PHACTR2: variants seen among roughly 807,000 people sequenced by gnomAD.
PHACTR2 encodes the protein chromosome 6 open reading frame 56.
In PHACTR2, 30 loss-of-function variants were observed where a neutral mutation model predicts 76.0. That is an observed-to-expected ratio of 0.39 (90% CI 0.30 to 0.54). PHACTR2 has a LOEUF of 0.54. Among genes scored for constraint, PHACTR2 ranks in the 20% least tolerant of loss-of-function variants. The probability of loss-of-function intolerance (pLI) is 0.61; values close to 1 mark genes in which losing one functional copy is unlikely to be tolerated. For synonymous variants in PHACTR2, 292 were observed against 292.5 expected (o/e 1.00, Z 0.02); for missense variants, 696 against 781.1 (o/e 0.89, Z 1.30).
Position 143,742,934 on chromosome 6 carries a change from G to T in PHACTR2, c.215-6051G>T, listed in dbSNP as rs761570818. On this transcript the variant is annotated intron_variant, in intron 2 of 12. Coordinates refer to ENST00000440869, the MANE Select transcript of PHACTR2 (RefSeq NM_001100164.2). This position sits in a 1 kb window ranked among gnomAD's most constrained non-coding sequence, Gnocchi z 4.5. ...TAATAGTTAATAGCTAATATGTATTGAATGCTTTCTAGATCCTAGGTACTG... is the reference window on the plus strand; with the variant it reads ...TAATAGTTAATAGCTAATATGTATTTAATGCTTTCTAGATCCTAGGTACTG... Among the ~76,000 whole-genome samples, 5 of 152,184 alleles carry T rather than the reference G, an allele frequency of 3.3e-5. No homozygotes were observed. The highest frequency in any genetic ancestry group is 6.5e-5 in the Admixed American group (1 of 15,290).
rs2128451077 is a variant in PHACTR2, at chr6:143,672,294, A to T, written c.14-39722A>T. 6.6e-6 allele frequency among the ~76,000 whole-genome samples: 1 copy of T among 152,130 alleles called. No individual in the cohort carries two copies. Among genetic ancestry groups the T allele is most frequent in the South Asian group, 2.1e-4 (1 of 4,814 alleles). Reference sequence around the variant, plus strand: ...AGTGAGACCCTATCTCTACAAAAAAAAAAAAAATTACAAATAATTAGCTGG... The same window carrying T: ...AGTGAGACCCTATCTCTACAAAAAATAAAAAAATTACAAATAATTAGCTGG... On this transcript the variant is annotated intron_variant, in intron 1 of 11. Transcript: ENST00000305766. This position sits in a 1 kb window ranked among gnomAD's most constrained non-coding sequence, Gnocchi z 5.8.
intron 1 of PHACTR2, among the ~76,000 whole-genome samples, chr6:143,614,682 T>G (rs1776034478): frequency 6.6e-6 from 1 of 152,212 alleles, no homozygotes; most frequent in Admixed American, 6.5e-5. Flanking sequence ...CAGTGCTTGA[T>G]TGTTTAGAAA....
intron 6 of PHACTR2, among the ~76,000 whole-genome samples, chr6:143,771,985 C>T (rs183865395): frequency 6.6e-6 from 1 of 152,226 alleles, no homozygotes; most frequent in Admixed American, 6.5e-5. Flanking sequence ...CTGTAGCTGA[C>T]ACTTGAAGGA....
chr6:143,660,420 C>T (rs1326631422), intron 1 of PHACTR2, among the ~76,000 whole-genome samples: 1 of 152,106 alleles, frequency 6.6e-6, no homozygotes, highest in East Asian at 1.9e-4. Flanking sequence ...GAGACATATT[C>T]ACTATCACAA....
chr6:143,748,355 C>A (rs147572112), intron 2 of PHACTR2, among the ~76,000 whole-genome samples: 1 of 152,208 alleles, frequency 6.6e-6, no homozygotes, highest in African/African-American at 2.4e-5. Flanking sequence ...CATGAGCCAC[C>A]GTTCCTGGCT....
chr6:143,699,033 T>C (rs1777837492), intron 1 of PHACTR2, among the ~76,000 whole-genome samples: 1 of 152,292 alleles, frequency 6.6e-6, no homozygotes, highest in South Asian at 2.1e-4. Context: ...TATTCCCTGC[T>C]CATTTTGCGT....
rs1275249042 is a variant in PHACTR2 at position 143,753,959 on chromosome 6, A to T, written c.454+47A>T. 7.2e-7 allele frequency: 1 copy of T among 1,385,538 alleles called. No homozygotes were observed. Among genetic ancestry groups the T allele is most frequent in the African/African-American group, 1.5e-5 (1 of 68,588 alleles). 85.8% of individuals were successfully genotyped at this position (1,385,538 alleles called of 1,614,324 possible). A position where few individuals can be genotyped will look rare whatever the true frequency, so the allele number is the denominator to read the frequency against. ...ATTATTTACTTTAGTATATAGCTCA[A>T]TGTCTAGAACCAGCACTTAGGCTCC... is the stretch of plus-strand genomic sequence containing the variant. On this transcript the variant is annotated intron_variant, in intron 4 of 12. Coordinates refer to ENST00000440869, the MANE Select transcript of PHACTR2 (RefSeq NM_001100164.2). The surrounding 1 kb of genome is among the most constrained non-coding windows in gnomAD (Gnocchi z 4.6).
chr6:143,721,985 T>A (rs1359456689), intron 2 of PHACTR2, among the ~76,000 whole-genome samples: 1 of 152,200 alleles, frequency 6.6e-6, no homozygotes, highest in African/African-American at 2.4e-5. Context: ...GTTCTTATTA[T>A]TTCTACTTCA....
intron 4 of PHACTR2, among the ~76,000 whole-genome samples, chr6:143,756,297 A>C (rs1245902459): frequency 6.6e-6 from 1 of 152,108 alleles, no homozygotes; most frequent in Non-Finnish European, 1.5e-5. Flanking sequence ...CAGTTGGTAC[A>C]GTGGTCTTGG....
In PHACTR2 at chr6:143,549,017, G is replaced by T. The variant is rs1775048413; in HGVS notation, c.217+11810G>T. On this transcript the variant is annotated intron_variant, in intron 1 of 11. Transcript: ENST00000367584. The surrounding 1 kb of genome is among the most constrained non-coding windows in gnomAD (Gnocchi z 4.2). ...TGGCTTGAGGAGTATAAAGAGTACA[G>T]GGAAGAAGGCTTGGCCATGAAGACA... Among the ~76,000 whole-genome samples, 2 of 151,890 alleles carry T rather than the reference G, an allele frequency of 1.3e-5. No individual in the cohort carries two copies. Among genetic ancestry groups the T allele is most frequent in the Admixed American group, 1.3e-4 (2 of 15,232 alleles).
In PHACTR2 at chr6:143,646,905, A is replaced by G. The variant is rs1776668375; in HGVS notation, c.13+38583A>G. 6.6e-6 allele frequency among the ~76,000 whole-genome samples: 1 copy of G among 152,222 alleles called. No homozygotes were observed. Among genetic ancestry groups the G allele is most frequent in the Admixed American group, 6.5e-5 (1 of 15,284 alleles). ...TAGTTATGTTTGTTGTTCTAACATAACAGTCTTCTGATCACGATGATTCTC... is the reference window on the plus strand; with the variant it reads ...TAGTTATGTTTGTTGTTCTAACATAGCAGTCTTCTGATCACGATGATTCTC... On this transcript the variant is annotated intron_variant, in intron 1 of 11. Coordinates refer to the PHACTR2 transcript ENST00000305766. This position sits in a 1 kb window ranked among gnomAD's most constrained non-coding sequence, Gnocchi z 4.1.
chr6:143,755,257 G>C lies in PHACTR2; in HGVS notation c.454+1345G>C, dbSNP rs767228857. On this transcript the variant is annotated intron_variant, in intron 4 of 12. Coordinates refer to ENST00000440869, the MANE Select transcript of PHACTR2 (RefSeq NM_001100164.2). This position sits in a 1 kb window ranked among gnomAD's most constrained non-coding sequence, Gnocchi z 5.2. ...GTGGGATTCAGTTGAAAGTATTAAC[G>C]CAAGTAGTGATGTTTTTTGTTTAAG... The C allele has an allele frequency of 6.6e-6, 3 of 455,956 alleles. No individual in the cohort carries two copies. The highest frequency in any genetic ancestry group is 4.6e-5 in the South Asian group (3 of 64,560). 28.2% of individuals were successfully genotyped at this position (455,956 alleles called of 1,614,324 possible). A position where few individuals can be genotyped will look rare whatever the true frequency, so the allele number is the denominator to read the frequency against.
rs1017509466 is a variant in PHACTR2 at position 143,722,812 on chromosome 6, A to C, written c.214+10629A>C. Among the ~76,000 whole-genome samples, 4 of 152,108 alleles carry C rather than the reference A, an allele frequency of 2.6e-5. No homozygotes were observed. Among genetic ancestry groups the C allele is most frequent in the African/African-American group, 9.7e-5 (4 of 41,422 alleles). On this transcript the variant is annotated intron_variant, in intron 2 of 12. Transcript: ENST00000440869. This position sits in a 1 kb window ranked among gnomAD's most constrained non-coding sequence, Gnocchi z 4.1. Reference sequence around the variant, plus strand: ...CGTTCTACTCTATCTCCATGAGTTCAGTTTTTTTGTTTTAGCTCCCACATA... The same window carrying C: ...CGTTCTACTCTATCTCCATGAGTTCCGTTTTTTTGTTTTAGCTCCCACATA...
chr6:143,634,719 TTGGG>T (rs1317665609), intron 1 of PHACTR2, among the ~76,000 whole-genome samples: 1 of 152,206 alleles, frequency 6.6e-6, no homozygotes, highest in African/African-American at 2.4e-5. Context: ...GACTTTGTAG[TTGGG>T]CATATGCAGA....
Position 143,537,193 on chromosome 6 carries a change from A to T in PHACTR2, c.203A>T (p.His68Leu), listed in dbSNP as rs1781125322. 3.4e-6 allele frequency: 1 copy of T among 292,956 alleles called. No individual in the cohort carries two copies. 18.1% of individuals were successfully genotyped at this position (292,956 alleles called of 1,614,324 possible). The change falls in exon 1 of 12, where the codon CAC (histidine) becomes CTC (leucine). Residue 68 changes from histidine (H) to leucine (L), a missense_variant. Transcript: ENST00000367584. The surrounding 1 kb of genome is among the most constrained non-coding windows in gnomAD (Gnocchi z 4.4). ...AGCAGGGGCCGCCCGCTCCGGGTCC[A>T]CATCTCCGGCTCAGGTAAGAGCGGC...
intron 9 of PHACTR2, among the ~76,000 whole-genome samples, chr6:143,779,952 T>C (rs1474629403): frequency 8.8e-6 from 1 of 113,074 alleles, no homozygotes; most frequent in African/African-American, 3.3e-5. Context: ...ATATTATATT[T>C]AGTTATTCAT....
chr6:143,567,053 C>T (rs904005623), intron 1 of PHACTR2, among the ~76,000 whole-genome samples: 2 of 152,094 alleles, frequency 1.3e-5, no homozygotes, highest in Admixed American at 6.5e-5. Context: ...CACTCAGTTC[C>T]GTGTTCCTCA....
upstream of PHACTR2, among the ~76,000 whole-genome samples, chr6:143,604,294 G>A (rs986273864): frequency 9.9e-5 from 15 of 152,050 alleles, no homozygotes; most frequent in African/African-American, 2.9e-4. Context: ...ATCTAATTAC[G>A]TGGACAGTTT....
intron 11 of PHACTR2, among the ~76,000 whole-genome samples, chr6:143,799,333 C>A (rs1438617074): frequency 1.3e-5 from 2 of 152,166 alleles, no homozygotes; most frequent in Non-Finnish European, 2.9e-5. Context: ...TTTCAAAAAG[C>A]CAGTTCCTGG....
Sources: allele counts gnomAD v4.1 joint callset (sites outside exome capture counted in the v4.1 genomes callset), GRCh38; gene constraint gnomAD v4.1.1; non-coding constraint Gnocchi (gnomAD v3.1); transcripts MANE v1.5; gene names NCBI Gene and HGNC (gene_info 2026-07-23, HGNC 2026-07-21).